Variants in VAC14 observed in about 807,000 individuals in gnomAD.
VAC14 encodes VAC14 component of PIKFYVE complex.
Under a neutral mutation model 85.3 loss-of-function variants are expected in VAC14, and 47 were observed. That is an observed-to-expected ratio of 0.55 (90% CI 0.44 to 0.70). The LOEUF is 0.70. Among genes scored for constraint, VAC14 ranks in the 30% least tolerant of loss-of-function variants. VAC14 has a pLI of 0.00. For missense variants in VAC14, 861 were observed against 1,004.3 expected, an observed-to-expected ratio of 0.86 and a Z score of 1.93; for synonymous variants, 447 against 430.5, an observed-to-expected ratio of 1.04 and a Z score of -0.47.
chr16:70,750,917 T>C (rs1442446890), intron 12 of VAC14, among the ~76,000 whole-genome samples: 2 of 152,024 alleles, frequency 1.3e-5, no homozygotes, highest in Non-Finnish European at 2.9e-5. Context: ...GACACCAGAT[T>C]TGCAAGGTCA....
intron 18 of VAC14, chr16:70,688,451 G>C (rs1477216238): frequency 3.0e-6 from 3 of 1,000,878 alleles, no homozygotes; most frequent in Non-Finnish European, 3.6e-6. Flanking sequence ...GCTGGGGCCT[G>C]GAACAGGGTC....
intron 14 of VAC14, among the ~76,000 whole-genome samples, chr16:70,712,300 C>T (rs533229626): frequency 3.3e-5 from 5 of 152,296 alleles, no homozygotes; most frequent in Non-Finnish European, 5.9e-5. Context: ...ACAGGCGAGG[C>T]GCCCTATAGC....
chr16:70,767,721 T>C (rs1399236288), intron 10 of VAC14, among the ~76,000 whole-genome samples: 1 of 152,206 alleles, frequency 6.6e-6, no homozygotes, highest in African/African-American at 2.4e-5. Context: ...ATTAGTTGAG[T>C]GACTCTGGGC....
intron 13 of VAC14, among the ~76,000 whole-genome samples, chr16:70,743,867 C>A (rs1030867588): frequency 2.0e-5 from 3 of 152,144 alleles, no homozygotes; most frequent in African/African-American, 7.2e-5. Context: ...TCTGCCGAGG[C>A]CTAGGGAGAA....
rs539197803 is a variant in VAC14 at position 70,790,967 on chromosome 16, C to A, written c.105-4602G>T. 1.1e-4 allele frequency among the ~76,000 whole-genome samples: 16 copies of A among 152,364 alleles called. 1 individual carries two copies. The East Asian group carries it at 1.9e-3, about 18-fold the overall frequency. ...TATGTCAGTCTGGAGAGCACCGGGC[C>A]TGGGGTCAACCCCTGGGCCACCGGC... On this transcript the variant is annotated intron_variant, in intron 1 of 18. Transcript: ENST00000261776.
intron 10 of VAC14, among the ~76,000 whole-genome samples, chr16:70,767,624 G>C (rs1190710049): frequency 2.0e-5 from 3 of 152,198 alleles, no homozygotes; most frequent in Non-Finnish European, 4.4e-5. Context: ...AACTGCAAAA[G>C]TGGAACTCTC....
intron 12 of VAC14, among the ~76,000 whole-genome samples, chr16:70,757,684 A>G (rs1382943774): frequency 1.3e-5 from 2 of 152,218 alleles, no homozygotes; most frequent in African/African-American, 4.8e-5. Flanking sequence ...GAGGACCCGG[A>G]GCAGATGCAG....
chr16:70,745,539 C>G (rs1466164192), intron 12 of VAC14, among the ~76,000 whole-genome samples: 5 of 150,056 alleles, frequency 3.3e-5, no homozygotes, highest in Non-Finnish European at 5.9e-5. Flanking sequence ...GCGCGTGTGC[C>G]TGTGTGCATG....
At chr16:70,720,694 G>A (rs1282304794) in intron 14 of VAC14, among the ~76,000 whole-genome samples, 1 of 152,210 alleles carries the variant, frequency 6.6e-6, no homozygotes, top group African/African-American at 2.4e-5. Context: ...GAGGTGGATG[G>A]TGAAACGGAG....
intron 14 of VAC14, among the ~76,000 whole-genome samples, chr16:70,704,741 G>A (rs1021364774): frequency 1.3e-5 from 2 of 152,222 alleles, no homozygotes; most frequent in Non-Finnish European, 2.9e-5. Context: ...GAGCCCGCTC[G>A]GGAGGAGCTG....
chr16:70,702,477 C>G (rs553786090), intron 14 of VAC14, among the ~76,000 whole-genome samples: 1 of 152,240 alleles, frequency 6.6e-6, no homozygotes, highest in South Asian at 2.1e-4. Flanking sequence ...GCTCAACCAC[C>G]CTTGCTCCAG....
intron 9 of VAC14, among the ~76,000 whole-genome samples, chr16:70,774,135 T>C (rs2033393818): frequency 6.6e-6 from 1 of 152,170 alleles, no homozygotes; most frequent in Non-Finnish European, 1.5e-5. Flanking sequence ...AACTAAATGA[T>C]TACCCTAATT....
intron 9 of VAC14, among the ~76,000 whole-genome samples, chr16:70,778,116 G>A (rs1414116959): frequency 6.6e-6 from 1 of 152,210 alleles, no homozygotes; most frequent in South Asian, 2.1e-4. Context: ...CCAGAGCCAA[G>A]AGGCATGAAT....
At chr16:70,746,448 T>C (rs572703275) in intron 12 of VAC14, among the ~76,000 whole-genome samples, 2 of 152,208 alleles carry the variant, frequency 1.3e-5, no homozygotes, top group South Asian at 2.1e-4. Context: ...GCTGTAAAGG[T>C]GAGTCACAGC....
At chr16:70,785,457 C>A (rs1265260135) in intron 3 of VAC14, among the ~76,000 whole-genome samples, 3 of 152,192 alleles carry the variant, frequency 2.0e-5, no homozygotes, top group African/African-American at 7.2e-5. Flanking sequence ...AGCTTCTTCC[C>A]TCTACTGTAT....
At chr16:70,750,071 T>C (rs374957576) in intron 12 of VAC14, among the ~76,000 whole-genome samples, 34 of 152,326 alleles carry the variant, frequency 2.2e-4, no homozygotes, top group African/African-American at 5.5e-4. Flanking sequence ...TAGAAACCTC[T>C]GGAGGAGAAG....
chr16:70,773,358 G>A (rs1234522306), intron 9 of VAC14: 4 of 152,194 alleles, frequency 2.6e-5, no homozygotes, highest in Non-Finnish European at 5.9e-5. Context: ...ATAACCCAGG[G>A]TAGAAAAGCA....
intron 14 of VAC14, among the ~76,000 whole-genome samples, chr16:70,722,501 G>C (rs1385581236): frequency 6.6e-6 from 1 of 152,208 alleles, no homozygotes; most frequent in Non-Finnish European, 1.5e-5. Flanking sequence ...TGTGATCTTC[G>C]TGACTCTGCT....
chr16:70,757,135 G>A (rs1386143113), intron 12 of VAC14, among the ~76,000 whole-genome samples: 3 of 152,258 alleles, frequency 2.0e-5, no homozygotes, highest in East Asian at 3.9e-4. Flanking sequence ...AGGACGCCCC[G>A]GCTCTGAGAT....
Sources: allele counts gnomAD v4.1 joint callset (sites outside exome capture counted in the v4.1 genomes callset), GRCh38; gene constraint gnomAD v4.1.1; transcripts MANE v1.5; gene names NCBI Gene and HGNC (gene_info 2026-07-23, HGNC 2026-07-21).